PCDHA10: variants seen among roughly 807,000 people sequenced by gnomAD.
PCDHA10 encodes the protein protocadherin alpha-10.
In PCDHA10, 45 loss-of-function variants were observed where a neutral mutation model predicts 61.2. That is an observed-to-expected ratio of 0.74 (90% CI 0.58 to 0.94). PCDHA10 has a LOEUF of 0.94. Ranked by LOEUF, PCDHA10 falls within the 40% of genes least tolerant of loss-of-function variation. PCDHA10 has a pLI of 0.00. For synonymous variants in PCDHA10, 602 were observed against 548.8 expected (o/e 1.10, Z -1.35); for missense variants, 1,278 against 1,236.2 (o/e 1.03, Z -0.51).
At chr5:140,900,695 C>T (rs889860103) in intron 1 of PCDHA10, among the ~76,000 whole-genome samples, 4 of 152,170 alleles carry the variant, frequency 2.6e-5, no homozygotes, top group Non-Finnish European at 5.9e-5. Context: ...TACTGATTTC[C>T]GTTCTTTTGG....
chr5:140,974,182 A>G (rs2096618692), intron 1 of PCDHA10, among the ~76,000 whole-genome samples: 1 of 152,248 alleles, frequency 6.6e-6, no homozygotes, highest in Non-Finnish European at 1.5e-5. Context: ...AACTTGACAA[A>G]TGCAAAGGAA....
intron 1 of PCDHA10, chr5:140,968,755 A>G: frequency 6.2e-7 from 1 of 1,614,200 alleles, no homozygotes. Flanking sequence ...TGGTGGTCCG[A>G]GATAATGGAG....
At chr5:140,879,854 C>G (rs2058149387) in intron 1 of PCDHA10, among the ~76,000 whole-genome samples, 1 of 152,200 alleles carries the variant, frequency 6.6e-6, no homozygotes, top group African/African-American at 2.4e-5. Context: ...CCCATCTCAG[C>G]CTTCTCAGCT....
At chr5:140,981,824 C>T (rs1350256595) in intron 2 of PCDHA10, among the ~76,000 whole-genome samples, 4 of 152,108 alleles carry the variant, frequency 2.6e-5, no homozygotes, top group African/African-American at 7.2e-5. Flanking sequence ...CTCTGCTTGC[C>T]TCTAAAGGTC....
chr5:140,997,380 C>T (rs1554255860), intron 3 of PCDHA10, among the ~76,000 whole-genome samples: 1 of 152,112 alleles, frequency 6.6e-6, no homozygotes. Flanking sequence ...ATATAGCATA[C>T]TACACACTTA....
At position 140,871,095 on chromosome 5, in the gene PCDHA10, GC is replaced by G; in HGVS notation, c.2388+12660del. On this transcript the variant is annotated intron_variant, in intron 1 of 3. Coordinates refer to ENST00000307360, the MANE Select transcript of PCDHA10 (RefSeq NM_018901.4). ...CGGCGCTGACGGCCACGGCCACCGT[GC>G]TGGTGTCGTTGGTGGAGAGCGGACA... The G allele has an allele frequency of 4.3e-6, 7 of 1,613,278 alleles. No individual in the cohort carries two copies. In the South Asian group the frequency reaches 5.5e-5, roughly 13 times the overall value.
chr5:140,900,354 C>T (rs376691648), intron 1 of PCDHA10, among the ~76,000 whole-genome samples: 68 of 151,986 alleles, frequency 4.5e-4, no homozygotes, highest in African/African-American at 1.2e-3. Context: ...CTTGGCTCAC[C>T]GCAACCTCTG....
At position 140,928,315 on chromosome 5, in the gene PCDHA10, G is replaced by A. The variant is rs535660713; in HGVS notation, c.2389-50634G>A. On this transcript the variant is annotated intron_variant, in intron 1 of 3. Coordinates refer to ENST00000307360, the MANE Select transcript of PCDHA10 (RefSeq NM_018901.4). ...AGTGTTTGCCCAGGACCCCGACCTG[G>A]GGAAGAATGGCCTTGTCTCTTATGA... The A allele has an allele frequency of 1.3e-4, 210 of 1,614,054 alleles. No homozygotes were observed. Among genetic ancestry groups the A allele is most frequent in the Non-Finnish European group, 1.7e-4 (203 of 1,180,048 alleles).
rs1479171365 is a variant in PCDHA10, at chr5:140,869,633, A to AT, written c.2388+11202dup. 9 of 1,613,494 alleles carry AT rather than the reference A, an allele frequency of 5.6e-6. No homozygotes were observed. In the African/African-American group the frequency reaches 8.0e-5, roughly 14 times the overall value. On this transcript the variant is annotated intron_variant, in intron 1 of 3. Coordinates refer to ENST00000307360, the MANE Select transcript of PCDHA10 (RefSeq NM_018901.4). ...ACCTACAGGCTAAGTAAAAATGAGT[A>AT]TTTTTCTTTAGATTCACCAACAAAT...
rs782000026 is a variant in PCDHA10, at chr5:140,858,227, G to A, written c.2179G>A (p.Glu727Lys). 14 of 1,596,370 alleles carry A rather than the reference G, an allele frequency of 8.8e-6. 2 individuals carry two copies. The African/African-American group carries it at 1.9e-4, about 21-fold the overall frequency. Residue 727 changes from glutamate to lysine, a missense_variant, in exon 1 of 4, where the codon GAG becomes AAG. Coordinates refer to ENST00000307360, the MANE Select transcript of PCDHA10 (RefSeq NM_018901.4). Reference sequence around the variant, plus strand: ...ACTGAGGTGCTCGGCGGCGCCCACCGAGGGCGCATGTGGGCCGGTGAAGCC... The same window carrying A: ...ACTGAGGTGCTCGGCGGCGCCCACCAAGGGCGCATGTGGGCCGGTGAAGCC... ...TALRCSAAPT[E>K]GACGPVKPTL...
intron 3 of PCDHA10, among the ~76,000 whole-genome samples, chr5:140,983,386 A>G (rs1426409765): frequency 2.6e-5 from 4 of 152,216 alleles, no homozygotes. Context: ...TCGCTGTGGC[A>G]GTTTTCAGAA....
intron 3 of PCDHA10, among the ~76,000 whole-genome samples, chr5:141,003,222 G>A (rs1221950770): frequency 2.6e-5 from 4 of 152,224 alleles, no homozygotes; most frequent in Non-Finnish European, 4.4e-5. Flanking sequence ...CATGAAAGAG[G>A]AAAGCTGGAA....
At chr5:140,884,293 G>A in intron 1 of PCDHA10, 2 of 1,613,666 alleles carry the variant, frequency 1.2e-6, no homozygotes, top group Non-Finnish European at 1.7e-6. Flanking sequence ...GCGGCCAAGC[G>A]CCACAGGCTT....
At chr5:140,916,417 A>G (rs2077566178) in intron 1 of PCDHA10, among the ~76,000 whole-genome samples, 1 of 152,246 alleles carries the variant, frequency 6.6e-6, no homozygotes. Flanking sequence ...AAGTCAGCAC[A>G]TCTCAGAACC....
At chr5:140,968,401 C>T (rs1554230667) in intron 1 of PCDHA10, 1 of 1,613,984 alleles carries the variant, frequency 6.2e-7, no homozygotes, top group South Asian at 1.1e-5. Context: ...TTCGGGAGTT[C>T]TTTGTGACTG....
At chr5:140,859,607 C>G (rs1218189350) in intron 1 of PCDHA10, 2 of 161,864 alleles carry the variant, frequency 1.2e-5, no homozygotes, top group Non-Finnish European at 2.7e-5. Flanking sequence ...TTACTTTTTT[C>G]TTTCCTTTCT....
At chr5:140,900,049 A>T (rs2067710838) in intron 1 of PCDHA10, among the ~76,000 whole-genome samples, 1 of 152,044 alleles carries the variant, frequency 6.6e-6, no homozygotes, top group Non-Finnish European at 1.5e-5. Flanking sequence ...GGCTCAAGTG[A>T]TCCTTTAACC....
rs1474245483 is a variant in PCDHA10, at chr5:140,946,429, A to C, written c.2389-32520A>C. Reference sequence around the variant, plus strand: ...ATAGAAAACAATATGGAGGTTACTCAAAAATTGAGACTAAAACAACTATCC... The same window carrying C: ...ATAGAAAACAATATGGAGGTTACTCCAAAATTGAGACTAAAACAACTATCC... On this transcript the variant is annotated intron_variant, in intron 1 of 3. Coordinates refer to ENST00000307360, the MANE Select transcript of PCDHA10 (RefSeq NM_018901.4). 2.0e-5 allele frequency among the ~76,000 whole-genome samples: 3 copies of C among 151,826 alleles called. No homozygotes were observed. In the East Asian group the frequency reaches 5.8e-4, roughly 29 times the overall value.
At chr5:140,926,888 G>A in intron 1 of PCDHA10, 1 of 1,544,494 alleles carries the variant, frequency 6.5e-7, no homozygotes, top group Non-Finnish European at 8.7e-7. Flanking sequence ...ACGCCTAGAG[G>A]GAGGATGGTG....
Sources: allele counts gnomAD v4.1 joint callset (sites outside exome capture counted in the v4.1 genomes callset), GRCh38; gene constraint gnomAD v4.1.1; transcripts MANE v1.5; gene names NCBI Gene and HGNC (gene_info 2026-07-23, HGNC 2026-07-21).